PAX2: variants seen among roughly 807,000 people sequenced by gnomAD.
PAX2 encodes the protein paired box protein Pax-2.
Under a neutral mutation model 41.7 loss-of-function variants are expected in PAX2, and 9 were observed. The ratio of observed to expected loss-of-function variants is 0.22; its 90% CI spans 0.13 to 0.38. The LOEUF (loss-of-function observed/expected upper bound fraction) is 0.38, where lower values mean the gene tolerates loss of function less well. Among genes scored for constraint, PAX2 ranks in the 10% least tolerant of loss-of-function variants. The pLI is 1.00. For missense variants in PAX2, 418 were observed against 531.6 expected, an observed-to-expected ratio of 0.79 and a Z score of 2.10; for synonymous variants, 221 against 212.7, an observed-to-expected ratio of 1.04 and a Z score of -0.34.
At chr10:100,805,704 G>A (rs753535121) in intron 5 of PAX2, among the ~76,000 whole-genome samples, 1 of 152,206 alleles carries the variant, frequency 6.6e-6, no homozygotes, top group East Asian at 1.9e-4. Flanking sequence ...GGAGGCTTGA[G>A]CCTGGGTCTA....
intron 5 of PAX2, among the ~76,000 whole-genome samples, chr10:100,800,813 T>A (rs1847537579): frequency 6.6e-6 from 1 of 152,100 alleles, no homozygotes; most frequent in African/African-American, 2.4e-5. Context: ...GGGGAGTGAG[T>A]GCAGGGCTGA....
intron 3 of PAX2, among the ~76,000 whole-genome samples, chr10:100,778,218 G>T (rs1846471058): frequency 6.6e-6 from 1 of 152,214 alleles, no homozygotes; most frequent in African/African-American, 2.4e-5. Flanking sequence ...GCAGCCCAGT[G>T]TCCTTTCCGC....
At position 100,826,089 on chromosome 10, in the gene PAX2, A is replaced by G. The variant is rs1848551109; in HGVS notation, c.1022-920A>G. On this transcript the variant is annotated intron_variant, in intron 8 of 9. Transcript: ENST00000355243. The surrounding 1 kb of genome is among the most constrained non-coding windows in gnomAD (Gnocchi z 5.5). The stretch of plus-strand genomic sequence containing the variant: ...GGAAATTACACTTGTTTCATTAGCG[A>G]TGGGGAAGGAGATAGCTCAGTTCCT... 1.3e-5 allele frequency among the ~76,000 whole-genome samples: 2 copies of G among 152,056 alleles called. No individual in the cohort carries two copies. Among genetic ancestry groups the G allele is most frequent in the Admixed American group, 1.3e-4 (2 of 15,272 alleles).
chr10:100,750,918 G>T lies in PAX2; in HGVS notation c.410+27G>T. On this transcript the variant is annotated intron_variant, in intron 3 of 9. Transcript: ENST00000355243. This position sits in a 1 kb window ranked among gnomAD's most constrained non-coding sequence, Gnocchi z 4.1. ...TGAGCAAGCCACCCGGGTTTTCAGG[G>T]CTGGACTCCAGCTCCTGGCTCCTGC... The T allele has an allele frequency of 6.3e-7, 1 of 1,578,982 alleles. No individual in the cohort carries two copies. The highest frequency in any genetic ancestry group is 8.7e-7 in the Non-Finnish European group (1 of 1,148,748).
intron 5 of PAX2, chr10:100,787,091 G>A: frequency 1.4e-6 from 1 of 702,548 alleles, no homozygotes; most frequent in Admixed American, 2.2e-5. Flanking sequence ...TTCAGAGAGT[G>A]GGTTCCTAAG....
chr10:100,829,843 C>G lies in PAX2; in HGVS notation c.*2224C>G, dbSNP rs1412923460. 1 of 191,952 alleles carries G rather than the reference C, an allele frequency of 5.2e-6. No individual in the cohort carries two copies. The highest frequency in any genetic ancestry group is 1.1e-5 in the Non-Finnish European group (1 of 91,506). 11.9% of individuals were successfully genotyped at this position (191,952 alleles called of 1,614,324 possible). A position where few individuals can be genotyped will look rare whatever the true frequency, so the allele number is the denominator to read the frequency against. On this transcript the variant is annotated 3_prime_UTR_variant, in exon 10 of 10. Transcript: ENST00000355243. ...TGTCCCCGGACGGTTCTGGTCTCCT[C>G]GGCCACTTTCAGTGCGTCGGTTCGT...
chr10:100,789,978 C>T (rs11190708), intron 5 of PAX2, among the ~76,000 whole-genome samples: 25,725 of 152,138 alleles, frequency 0.17, 2,465 homozygotes, highest in Middle Eastern at 0.3. Flanking sequence ...TGGGGAAGTA[C>T]AGGGGTTTAG....
intron 7 of PAX2, among the ~76,000 whole-genome samples, chr10:100,811,093 C>T (rs1027927843): frequency 6.6e-6 from 1 of 150,882 alleles, no homozygotes; most frequent in Non-Finnish European, 1.5e-5. Context: ...GAAACTCGCT[C>T]AGAAACTGGA....
Position 100,748,857 on chromosome 10 carries a change from A to G in PAX2, c.44-889A>G, listed in dbSNP as rs1589810351. 1 of 984,418 alleles carries G rather than the reference A, an allele frequency of 1.0e-6. No individual in the cohort carries two copies. The highest frequency in any genetic ancestry group is 1.8e-5 in the African/African-American group (1 of 56,440). The allele number at this position is 984,418 out of a possible 1,614,324, so 61.0% of individuals were successfully genotyped here. On this transcript the variant is annotated intron_variant, in intron 1 of 9. Transcript: ENST00000355243. The surrounding 1 kb of genome is among the most constrained non-coding windows in gnomAD (Gnocchi z 5.0). The stretch of plus-strand genomic sequence containing the variant: ...TGGGTCGGCTACACAGGGCGCCCCG[A>G]GAGTTATTAACTCGCCAGCGAGGCC...
At chr10:100,794,886 G>A (rs1847266724) in intron 5 of PAX2, among the ~76,000 whole-genome samples, 2 of 151,994 alleles carry the variant, frequency 1.3e-5, no homozygotes, top group African/African-American at 2.4e-5. Context: ...TAAACATAGG[G>A]CATTCCATTT....
chr10:100,781,147 T>C, intron 4 of PAX2, 99 bp from the exon 5 acceptor site: 1 of 1,203,948 alleles, frequency 8.3e-7, no homozygotes, highest in South Asian at 1.2e-5. Context: ...CCTCCTTATG[T>C]CCTCTGCTTC....
At chr10:100,769,698 ATAT>A (rs1440873624) in intron 3 of PAX2, among the ~76,000 whole-genome samples, 2 of 151,294 alleles carry the variant, frequency 1.3e-5, no homozygotes, top group Non-Finnish European at 2.9e-5. Flanking sequence ...AAACAAGAGT[ATAT>A]TATTGTTATT....
intron 5 of PAX2, among the ~76,000 whole-genome samples, chr10:100,804,085 A>G (rs1009903858): frequency 3.3e-5 from 5 of 152,180 alleles, no homozygotes; most frequent in African/African-American, 1.2e-4. Flanking sequence ...CTCTGCCACC[A>G]GATCAGGCAA....
intron 6 of PAX2, among the ~76,000 whole-genome samples, chr10:100,808,887 C>T (rs1847891870): frequency 6.6e-6 from 1 of 152,178 alleles, no homozygotes; most frequent in Admixed American, 6.5e-5. Context: ...ATTAAGTGCC[C>T]AAAATGTGTA....
chr10:100,811,364 T>C (rs895628172), intron 7 of PAX2, among the ~76,000 whole-genome samples: 2 of 152,264 alleles, frequency 1.3e-5, no homozygotes, highest in East Asian at 3.8e-4. Context: ...ATGTGTTTAT[T>C]ATGGGGACAA....
At chr10:100,776,044 C>T (rs1846374681) in intron 3 of PAX2, among the ~76,000 whole-genome samples, 1 of 152,190 alleles carries the variant, frequency 6.6e-6, no homozygotes, top group African/African-American at 2.4e-5. Flanking sequence ...TGTTAATCAT[C>T]CACAGTCCCT....
At chr10:100,752,095 T>G (rs547835857) in intron 3 of PAX2, among the ~76,000 whole-genome samples, 1 of 152,364 alleles carries the variant, frequency 6.6e-6, no homozygotes, top group East Asian at 1.9e-4. Context: ...GCTGGTAGAA[T>G]GTACCTTGGC....
rs781099849 is a variant in PAX2, at chr10:100,809,098, C to G, written c.793-12C>G. On this transcript the variant is annotated splice_polypyrimidine_tract_variant and intron_variant, in intron 6 of 9. Coordinates refer to ENST00000355243, the MANE Select transcript of PAX2 (RefSeq NM_000278.5). The stretch of plus-strand genomic sequence containing the variant: ...ATCAATAGAGAGCTGTCACTTTTCT[C>G]TCTCCTCCCAGGGGAACGAGTACTC... 17 of 1,612,972 alleles carry G rather than the reference C, an allele frequency of 1.1e-5. No individual in the cohort carries two copies. The Admixed American group carries it at 1.2e-4, about 11-fold the overall frequency.
chr10:100,747,962 G>T (rs1845263971), intron 1 of PAX2: 1 of 983,168 alleles, frequency 1.0e-6, no homozygotes, highest in African/African-American at 1.8e-5. Flanking sequence ...GTTTCTGCAC[G>T]GCCAAGCAGA....
Sources: gnomAD v4.1 joint callset for allele counts (sites outside exome capture counted in the v4.1 genomes callset) on GRCh38, gnomAD v4.1.1 for gene constraint, Gnocchi (gnomAD v3.1) non-coding constraint, MANE v1.5 for transcripts, NCBI Gene and HGNC (gene_info 2026-07-23, HGNC 2026-07-21) for gene names.